Variants in JAK1 observed in about 807,000 individuals in gnomAD.
The protein encoded by JAK1 is tyrosine-protein kinase JAK1.
A neutral mutation model predicts 136.6 loss-of-function variants in JAK1; 16 were observed. That is an observed-to-expected ratio of 0.12 (90% CI 0.08 to 0.18). The LOEUF (loss-of-function observed/expected upper bound fraction) is 0.18, where lower values mean the gene tolerates loss of function less well. JAK1 is among the 10% of genes least tolerant of loss of function. The pLI is 1.00. For missense variants in JAK1, 859 were observed against 1,450.1 expected (o/e 0.59, Z 6.62); for synonymous variants, 492 against 519.5 (o/e 0.95, Z 0.72).
intron 1 of JAK1, among the ~76,000 whole-genome samples, chr1:64,940,249 C>A (rs1279559583): frequency 6.6e-6 from 1 of 152,024 alleles, no homozygotes; most frequent in Non-Finnish European, 1.5e-5. Context: ...CATAACTCAA[C>A]AGACCTGCAG....
chr1:64,878,486 A>T (rs960956703), intron 4 of JAK1, among the ~76,000 whole-genome samples: 1 of 147,620 alleles, frequency 6.8e-6, no homozygotes, highest in Non-Finnish European at 1.5e-5. Flanking sequence ...ACTTCAGGCA[A>T]TGTTTCTCGA....
intron 2 of JAK1, among the ~76,000 whole-genome samples, chr1:64,989,004 A>G (rs1626529): frequency 0.072 from 5,726 of 79,714 alleles, 261 homozygotes; most frequent in African/African-American, 0.32. Context: ...GTGTGTGTGT[A>G]TATATATATA....
intron 1 of JAK1, among the ~76,000 whole-genome samples, chr1:64,958,699 T>G (rs946021082): frequency 5.3e-5 from 8 of 152,348 alleles, no homozygotes; most frequent in African/African-American, 1.9e-4. Flanking sequence ...TTTCTCTTAG[T>G]ACAATATAAA....
intron 2 of JAK1, among the ~76,000 whole-genome samples, chr1:65,013,565 C>T (rs1273720878): frequency 6.6e-6 from 1 of 152,080 alleles, no homozygotes; most frequent in Non-Finnish European, 1.5e-5. Context: ...CACTTGCTGG[C>T]ATTATTGAAG....
chr1:65,010,313 C>G (rs1306934586), intron 2 of JAK1, among the ~76,000 whole-genome samples: 1 of 152,178 alleles, frequency 6.6e-6, no homozygotes, highest in Non-Finnish European at 1.5e-5. Flanking sequence ...CGCTCATTCT[C>G]TCTCTCTCTC....
intron 2 of JAK1, among the ~76,000 whole-genome samples, chr1:65,000,282 T>C (rs909100365): frequency 6.6e-6 from 1 of 152,064 alleles, no homozygotes; most frequent in Non-Finnish European, 1.5e-5. Flanking sequence ...CAATCCTTAT[T>C]CCTGAACCCA....
rs562426218 is a variant in JAK1 at position 65,021,773 on chromosome 1, C to T, written c.-78+22707G>A. On this transcript the variant is annotated intron_variant, in intron 2 of 25. Transcript: ENST00000671954. ...ATGCCTGGGGGTAAGACTTAGCTTCCATTTCATTGGAACCATGTCTATTAT... is the reference window on the plus strand; with the variant it reads ...ATGCCTGGGGGTAAGACTTAGCTTCTATTTCATTGGAACCATGTCTATTAT... 2.6e-5 allele frequency among the ~76,000 whole-genome samples: 4 copies of T among 152,242 alleles called. No individual in the cohort carries two copies. In the East Asian group the frequency reaches 5.8e-4, roughly 22 times the overall value.
At chr1:64,856,236 C>T (rs1434879377) in intron 10 of JAK1, among the ~76,000 whole-genome samples, 2 of 152,132 alleles carry the variant, frequency 1.3e-5, no homozygotes, top group African/African-American at 4.8e-5. Flanking sequence ...ACTGTGGTGC[C>T]AGATAGGAGG....
At chr1:64,859,939 C>T (rs776976190) in intron 9 of JAK1, 166 bp downstream of exon 9, 1 of 467,588 alleles carries the variant, frequency 2.1e-6, no homozygotes, top group Non-Finnish European at 3.8e-6. Context: ...TAGGAGATTA[C>T]AGGAAGGCCT....
At position 64,833,232 on chromosome 1, in the gene JAK1, A is replaced by T. The variant is rs1307328132; in HGVS notation, c.*1330T>A. 4 of 222,852 alleles carry T rather than the reference A, an allele frequency of 1.8e-5. No individual in the cohort carries two copies. The highest frequency in any genetic ancestry group is 3.6e-5 in the Non-Finnish European group (4 of 111,314). 13.8% of individuals were successfully genotyped at this position (222,852 alleles called of 1,614,324 possible). ...AATATTAAAAGGCATATGCATGTAA[A>T]GTCTTTAGTATATTTATTTGTATAA... On this transcript the variant is annotated 3_prime_UTR_variant, in exon 25 of 25. Transcript: ENST00000342505.
rs367685095 is a variant in JAK1, at chr1:64,934,019, G to T, written c.-78+32314C>A. Among the ~76,000 whole-genome samples, 30 of 152,342 alleles carry T rather than the reference G, an allele frequency of 2.0e-4. 5 individuals are homozygous for T. Among genetic ancestry groups the T allele is most frequent in the Admixed American group, 3.3e-4 (5 of 15,302 alleles). ...TAACCCAGGTCCACCTCTGGAATTTGGGAGCTGACAGAAAGTGACCCAGAA... is the reference window on the plus strand; with the variant it reads ...TAACCCAGGTCCACCTCTGGAATTTTGGAGCTGACAGAAAGTGACCCAGAA... On this transcript the variant is annotated intron_variant, in intron 1 of 24. Transcript: ENST00000342505.
chr1:64,873,538 A>G lies in JAK1; in HGVS notation c.330-15T>C, dbSNP rs2101160785. On this transcript the variant is annotated splice_polypyrimidine_tract_variant and intron_variant, in intron 4 of 24. Coordinates refer to ENST00000342505, the MANE Select transcript of JAK1 (RefSeq NM_002227.4). ...TGAAATAGAACCTGGAAGGCAGGAA[A>G]ATGAATGCCAATTGTGGCAAAGGGG... The G allele has an allele frequency of 6.2e-7, 1 of 1,614,018 alleles. No homozygotes were observed. The highest frequency in any genetic ancestry group is 2.2e-5 in the East Asian group (1 of 44,876).
chr1:64,907,364 C>T (rs889018201), intron 1 of JAK1, among the ~76,000 whole-genome samples: 1 of 152,184 alleles, frequency 6.6e-6, no homozygotes, highest in Non-Finnish European at 1.5e-5. Context: ...GCACAATAAA[C>T]TTCTGGGCTT....
At chr1:64,969,316 G>A (rs181776664), upstream of JAK1, among the ~76,000 whole-genome samples, 189 of 152,010 alleles carry the variant, frequency 1.2e-3, 1 homozygote, top group Non-Finnish European at 1.9e-3. Flanking sequence ...TGTAGTGGGG[G>A]TGTCCTGTGC....
chr1:64,841,057 CGT>C (rs968834376), intron 19 of JAK1, among the ~76,000 whole-genome samples, 186 bp downstream of exon 19: 2 of 152,092 alleles, frequency 1.3e-5, no homozygotes, highest in African/African-American at 4.8e-5. Flanking sequence ...CCGTCCGTGC[CGT>C]GTGTCACATG....
chr1:64,840,493 C>T (rs1019321738), intron 19 of JAK1, among the ~76,000 whole-genome samples: 7 of 152,148 alleles, frequency 4.6e-5, no homozygotes, highest in East Asian at 1.9e-4. Context: ...TCCAAAGAAA[C>T]GCTGACACTC....
chr1:64,912,527 T>C (rs1645301619), intron 1 of JAK1, among the ~76,000 whole-genome samples: 1 of 152,228 alleles, frequency 6.6e-6, no homozygotes, highest in Non-Finnish European at 1.5e-5. Flanking sequence ...AAGATAGTAA[T>C]GGTCACGATC....
At position 64,997,950 on chromosome 1, in the gene JAK1, G is replaced by A. The variant is rs1201525329; in HGVS notation, c.-78+46530C>T. Among the ~76,000 whole-genome samples the A allele has an allele frequency of 5.3e-5, 8 of 152,292 alleles. No homozygotes were observed. The East Asian group carries it at 1.5e-3, about 29-fold the overall frequency. ...CTTTTGTTTCAAGAAATAAAAGCCT[G>A]TAAATATGGTGAAGAAACAAATGAC... On this transcript the variant is annotated intron_variant, in intron 2 of 25. Coordinates refer to the JAK1 transcript ENST00000671954.
chr1:65,051,756 T>G (rs937299127), intron 1 of JAK1, among the ~76,000 whole-genome samples: 1 of 152,244 alleles, frequency 6.6e-6, no homozygotes, highest in African/African-American at 2.4e-5. Context: ...CTTCTCACCT[T>G]TTAACATCAT....
Sources: allele counts gnomAD v4.1 joint callset (sites outside exome capture counted in the v4.1 genomes callset), GRCh38; gene constraint gnomAD v4.1.1; transcripts MANE v1.5; gene names NCBI Gene and HGNC (gene_info 2026-07-23, HGNC 2026-07-21).